Variants in ELAVL2 observed in about 807,000 individuals in gnomAD.
ELAVL2 encodes the protein ELAV-like protein 2.
Under a neutral mutation model 34.6 loss-of-function variants are expected in ELAVL2, and 4 were observed. The ratio of observed to expected loss-of-function variants is 0.12; its 90% CI spans 0.06 to 0.26. The LOEUF (loss-of-function observed/expected upper bound fraction) is 0.26. Among genes scored for constraint, ELAVL2 ranks in the 10% least tolerant of loss-of-function variants. The pLI, the probability that ELAVL2 is intolerant of heterozygous loss-of-function variation, is 1.00. For missense variants in ELAVL2, 432 were observed against 442.8 expected (o/e 0.98, Z 0.22); for synonymous variants, 193 against 154.8 (o/e 1.25, Z -1.83).
At chr9:23,752,195 T>C (rs1487305311) in intron 2 of ELAVL2, among the ~76,000 whole-genome samples, 1 of 152,190 alleles carries the variant, frequency 6.6e-6, no homozygotes, top group African/African-American at 2.4e-5. Context: ...CCCTGTGTGC[T>C]AGGTACTTTA....
chr9:23,777,387 G>C (rs1403082962), intron 1 of ELAVL2, among the ~76,000 whole-genome samples: 1 of 152,020 alleles, frequency 6.6e-6, no homozygotes, highest in Non-Finnish European at 1.5e-5. Flanking sequence ...CTATTTTAAA[G>C]AGTTCCTTGA....
At chr9:23,779,086 C>A (rs2058680548) in intron 1 of ELAVL2, among the ~76,000 whole-genome samples, 2 of 152,198 alleles carry the variant, frequency 1.3e-5, no homozygotes, top group African/African-American at 4.8e-5. Context: ...AGATAAAAAT[C>A]ACCTGGCACT....
At chr9:23,829,858 C>G (rs1026342834), upstream of ELAVL2, 1 of 152,146 alleles carries the variant, frequency 6.6e-6, no homozygotes, top group African/African-American at 2.4e-5. Context: ...CTGTGAGACA[C>G]GGAAACTGCG....
intron 1 of ELAVL2, among the ~76,000 whole-genome samples, chr9:23,786,641 A>G (rs534702605): frequency 3.9e-5 from 6 of 152,300 alleles, no homozygotes; most frequent in East Asian, 1.9e-4. Flanking sequence ...CCCTGAAGCT[A>G]TAAGAAGCTT....
chr9:23,747,133 A>G (rs748472877), intron 2 of ELAVL2, among the ~76,000 whole-genome samples: 3 of 151,898 alleles, frequency 2.0e-5, no homozygotes, highest in Non-Finnish European at 2.9e-5. Flanking sequence ...AACCACAGAT[A>G]GTACTGAATC....
chr9:23,731,171 T>G (rs1475730109), intron 2 of ELAVL2, 46 bp from the exon 3 acceptor site: 2 of 1,525,656 alleles, frequency 1.3e-6, no homozygotes, highest in Admixed American at 3.9e-5. Context: ...TTCTATACTG[T>G]TGACAGAGAT....
intron 3 of ELAVL2, among the ~76,000 whole-genome samples, chr9:23,715,594 G>T (rs141309812): frequency 1.3e-5 from 2 of 152,304 alleles, no homozygotes; most frequent in African/African-American, 4.8e-5. Context: ...ATTGTTAGAA[G>T]CCCATTCTCC....
At chr9:23,778,838 G>C (rs533871388) in intron 1 of ELAVL2, among the ~76,000 whole-genome samples, 1 of 152,256 alleles carries the variant, frequency 6.6e-6, no homozygotes, top group Admixed American at 6.5e-5. Flanking sequence ...TAATATGACT[G>C]CCACAGACAT....
chr9:23,764,867 A>T, intron 1 of ELAVL2: 1 of 789,786 alleles, frequency 1.3e-6, no homozygotes, highest in Non-Finnish European at 2.0e-6. Context: ...TTTAAGTCCT[A>T]ATGATGGCCA....
chr9:23,718,698 AATTT>A (rs2042925233), intron 3 of ELAVL2, among the ~76,000 whole-genome samples: 1 of 152,176 alleles, frequency 6.6e-6, no homozygotes, highest in South Asian at 2.1e-4. Context: ...AACTATGAAA[AATTT>A]ATTCAATACA....
At chr9:23,740,014 C>A (rs2048787057) in intron 2 of ELAVL2, among the ~76,000 whole-genome samples, 1 of 152,128 alleles carries the variant, frequency 6.6e-6, no homozygotes, top group African/African-American at 2.4e-5. Flanking sequence ...CTAACAAACT[C>A]ACCAAGTCCA....
chr9:23,802,228 T>C (rs954612589), intron 1 of ELAVL2, among the ~76,000 whole-genome samples: 5 of 152,072 alleles, frequency 3.3e-5, no homozygotes, highest in African/African-American at 7.2e-5. Flanking sequence ...GCTCCAAGTA[T>C]GTTGTATGTA....
chr9:23,701,621 T>C lies in ELAVL2; in HGVS notation c.488-17A>G, dbSNP rs758502351. ...TTGATATGCCTATGGTAGATTTGAGTAAAGATTTGGAAAAGAGGGAACAGA... is the reference window on the plus strand; with the variant it reads ...TTGATATGCCTATGGTAGATTTGAGCAAAGATTTGGAAAAGAGGGAACAGA... On this transcript the variant is annotated splice_polypyrimidine_tract_variant and intron_variant, in intron 4 of 6. Transcript: ENST00000397312. 7.5e-6 allele frequency: 12 copies of C among 1,609,616 alleles called. No individual in the cohort carries two copies. The African/African-American group carries it at 1.5e-4, about 20-fold the overall frequency.
intron 3 of ELAVL2, among the ~76,000 whole-genome samples, chr9:23,719,775 T>G (rs1178684778): frequency 6.6e-6 from 1 of 151,606 alleles, no homozygotes; most frequent in Non-Finnish European, 1.5e-5. Context: ...GGGGTTTGGT[T>G]GGCAGGCTAT....
intron 2 of ELAVL2, among the ~76,000 whole-genome samples, chr9:23,760,791 G>C (rs544015370): frequency 6.6e-6 from 1 of 152,094 alleles, no homozygotes; most frequent in African/African-American, 2.4e-5. Context: ...TTTTTAACTT[G>C]ATTTCAGTAA....
chr9:23,727,302 A>G (rs1172846362), intron 3 of ELAVL2, among the ~76,000 whole-genome samples: 1 of 152,148 alleles, frequency 6.6e-6, no homozygotes, highest in South Asian at 2.1e-4. Flanking sequence ...TTAAACAAAC[A>G]GCATCCTACT....
At chr9:23,836,428 T>G in the ELAVL2 span, among the ~76,000 whole-genome samples, 1 of 152,188 alleles carries the variant, frequency 6.6e-6, no homozygotes. Flanking sequence ...ATGTCAGTGC[T>G]TATTATTTAA....
chr9:23,696,992 A>C (rs1332855380), intron 5 of ELAVL2, among the ~76,000 whole-genome samples: 5 of 152,136 alleles, frequency 3.3e-5, no homozygotes, highest in African/African-American at 1.2e-4. Context: ...CACTGAACCC[A>C]GTACCTTCTC....
intron 2 of ELAVL2, among the ~76,000 whole-genome samples, chr9:23,742,974 A>C (rs1468376017): frequency 2.6e-5 from 4 of 152,154 alleles, no homozygotes; most frequent in African/African-American, 9.7e-5. Context: ...CTGAGTATAA[A>C]GGAAACCTAT....
Sources: allele counts gnomAD v4.1 joint callset (sites outside exome capture counted in the v4.1 genomes callset), GRCh38; gene constraint gnomAD v4.1.1; transcripts MANE v1.5; gene names NCBI Gene and HGNC (gene_info 2026-07-23, HGNC 2026-07-21).